The following UBE3A variants were observed in gnomAD, a reference collection of about 807,000 sequenced individuals.
UBE3A encodes ubiquitin protein ligase E3A.
Under a neutral mutation model 83.4 loss-of-function variants are expected in UBE3A, and 6 were observed. The ratio of observed to expected loss-of-function variants is 0.07; its 90% confidence interval spans 0.04 to 0.14. UBE3A has a LOEUF of 0.14. Among genes scored for constraint, UBE3A ranks in the 10% least tolerant of loss-of-function variants. The pLI is 1.00. For missense variants in UBE3A, 456 were observed against 1,036.1 expected (o/e 0.44, Z 7.69); for synonymous variants, 337 against 355.4 (o/e 0.95, Z 0.58).
intron 4 of UBE3A, among the ~76,000 whole-genome samples, 169 bp downstream of exon 4, chr15:25,405,292 G>T (rs924541010): frequency 6.6e-6 from 1 of 152,026 alleles, no homozygotes; most frequent in Non-Finnish European, 1.5e-5. Context: ...TGTTACCGAG[G>T]TTTAGAGTTA....
chr15:25,354,499 T>C, intron 10 of UBE3A, 29 bp downstream of exon 10: 1 of 1,613,910 alleles, frequency 6.2e-7, no homozygotes, highest in Non-Finnish European at 8.5e-7. Context: ...AATCGATACA[T>C]GACTTTTTGC....
At chr15:25,364,629 A>AG (rs1335433323) in intron 6 of UBE3A, among the ~76,000 whole-genome samples, 39 of 145,040 alleles carry the variant, frequency 2.7e-4, no homozygotes, top group Non-Finnish European at 4.3e-4. Context: ...GTGGATTTTT[A>AG]GGGTTTTTTT....
chr15:25,347,071 AAG>A (rs1288891889), intron 11 of UBE3A: 1 of 152,196 alleles, frequency 6.6e-6, no homozygotes, highest in Non-Finnish European at 1.5e-5. Flanking sequence ...GAAAAACAAA[AAG>A]AATTTCTCAC....
chr15:25,390,344 C>T lies in UBE3A; in HGVS notation c.63-14581G>A, dbSNP rs952355469. Among the ~76,000 whole-genome samples the T allele has an allele frequency of 2.6e-5, 4 of 152,064 alleles. No homozygotes were observed. The East Asian group carries it at 7.7e-4, about 29-fold the overall frequency. On this transcript the variant is annotated intron_variant, in intron 4 of 12. Coordinates refer to ENST00000648336, the MANE Select transcript of UBE3A (RefSeq NM_130839.5). ...TAAGTCCACACAAAAACCTGCACAC[C>T]GATATCTACAGCAGTTTTATTCATA...
At chr15:25,341,472 T>A (rs1002593434) in intron 11 of UBE3A, among the ~76,000 whole-genome samples, 10 of 151,874 alleles carry the variant, frequency 6.6e-5, no homozygotes, top group Non-Finnish European at 1.3e-4. Context: ...ATTTAGAAAG[T>A]TCTTTCCAGA....
intron 4 of UBE3A, among the ~76,000 whole-genome samples, chr15:25,399,471 C>A (rs977018275): frequency 6.6e-6 from 1 of 152,164 alleles, no homozygotes; most frequent in Admixed American, 6.5e-5. Flanking sequence ...TCCCTTTCCC[C>A]GCTGTGTTCT....
At chr15:25,350,264 G>A (rs1172776318) in intron 11 of UBE3A, among the ~76,000 whole-genome samples, 1 of 151,390 alleles carries the variant, frequency 6.6e-6, no homozygotes, top group Non-Finnish European at 1.5e-5. Flanking sequence ...TCATGCTACT[G>A]CACTCCAGCC....
At position 25,430,027 on chromosome 15, in the gene UBE3A, C is replaced by CTATATATATA. The variant is rs199950859; in HGVS notation, c.-165+8452_-165+8461dup. 1.4e-3 allele frequency among the ~76,000 whole-genome samples: 94 copies of CTATATATATA among 66,170 alleles called. 9 individuals carry two copies. Among genetic ancestry groups the CTATATATATA allele is most frequent in the African/African-American group, 9.3e-3 (76 of 8,200 alleles). 43.4% of individuals were successfully genotyped at this position (66,170 alleles called of 152,430 possible). Reference sequence around the variant, plus strand: ...CTCAGGAGGAAAAACAAAAAAAAACCTATATATATATATATATATATATTT... The same window carrying CTATATATATA: ...CTCAGGAGGAAAAACAAAAAAAAACCTATATATATATATATATATATATATATATATATTT... On this transcript the variant is annotated intron_variant, in intron 1 of 12. Coordinates refer to ENST00000648336, the MANE Select transcript of UBE3A (RefSeq NM_130839.5).
chr15:25,425,486 A>C (rs928054918), intron 1 of UBE3A, among the ~76,000 whole-genome samples: 1 of 152,304 alleles, frequency 6.6e-6, no homozygotes, highest in East Asian at 1.9e-4. Flanking sequence ...GTTAGAGAAT[A>C]TGTTTGGTAG....
intron 4 of UBE3A, among the ~76,000 whole-genome samples, chr15:25,398,178 A>C (rs1464395894): frequency 1.3e-5 from 2 of 150,914 alleles, no homozygotes; most frequent in African/African-American, 4.9e-5. Context: ...AAAAAAAAAA[A>C]AAAAAAAAAA....
chr15:25,398,999 T>C (rs1324334982), intron 4 of UBE3A, among the ~76,000 whole-genome samples: 1 of 151,564 alleles, frequency 6.6e-6, no homozygotes, highest in Non-Finnish European at 1.5e-5. Flanking sequence ...GCCATTTGTA[T>C]GTCTTATTTT....
chr15:25,395,923 G>A (rs80172665), intron 4 of UBE3A, among the ~76,000 whole-genome samples: 30 of 152,296 alleles, frequency 2.0e-4, no homozygotes, highest in Non-Finnish European at 3.8e-4. Context: ...AATCTGATCT[G>A]GTTGGGTGCG....
Position 25,371,940 on chromosome 15 carries a change from T to TA in UBE3A, c.362-129dup. ...AATATCATTTATGATATACAACTCT[T>TA]AAAGTATCTAATACTTAGATTCAGC... On this transcript the variant is annotated intron_variant, in intron 5 of 12. Transcript: ENST00000648336. This position sits in a 1 kb window ranked among gnomAD's most constrained non-coding sequence, Gnocchi z 5.3. 1.1e-6 allele frequency: 1 copy of TA among 946,124 alleles called. No homozygotes were observed. The highest frequency in any genetic ancestry group is 1.5e-6 in the Non-Finnish European group (1 of 651,110). The allele number at this position is 946,124 out of a possible 1,614,324, so 58.6% of individuals were successfully genotyped here.
rs747626553 is a variant in UBE3A at position 25,356,705 on chromosome 15, C to T, written c.1945G>A (p.Gly649Arg). 1.2e-6 allele frequency: 2 copies of T among 1,612,768 alleles called. No homozygotes were observed. The highest frequency in any genetic ancestry group is 1.7e-5 in the Admixed American group (1 of 59,982). ...AAAGAACTTACTGGGTGAGAGTCTCCCAAGTCACGAAAAGTTCCTTTTTTC... is the reference window on the plus strand; with the variant it reads ...AAAGAACTTACTGGGTGAGAGTCTCTCAAGTCACGAAAAGTTCCTTTTTTC... Reference protein sequence around the residue: ...MGKKGTFRDLGDSHPVLYQSL... With the variant: ...MGKKGTFRDLRDSHPVLYQSL... The change falls in exon 8 of 13, where the codon GGA (glycine) becomes AGA (arginine). Residue 649 changes from glycine (G) to arginine (R), a missense_variant. Coordinates refer to ENST00000648336, the MANE Select transcript of UBE3A (RefSeq NM_130839.5).
At chr15:25,419,444 A>T (rs1406173218) in intron 1 of UBE3A, 2 of 152,144 alleles carry the variant, frequency 1.3e-5, no homozygotes, top group Non-Finnish European at 2.9e-5. Context: ...AGAGTGAAAT[A>T]AAGACATTTC....
At chr15:25,357,016 G>C (rs1393850485) in intron 7 of UBE3A, 120 bp from the exon 8 acceptor site, 1 of 817,152 alleles carries the variant, frequency 1.2e-6, no homozygotes, top group Non-Finnish European at 1.9e-6. Context: ...ATGTAATTAG[G>C]CATGCAACAT....
chr15:25,403,082 C>G (rs2087571755), intron 4 of UBE3A, among the ~76,000 whole-genome samples: 2 of 152,208 alleles, frequency 1.3e-5, no homozygotes. Context: ...ATCAGCTCTG[C>G]TAATATCCAA....
chr15:25,406,298 C>G (rs1354019932), intron 3 of UBE3A, among the ~76,000 whole-genome samples: 2 of 152,192 alleles, frequency 1.3e-5, no homozygotes, highest in African/African-American at 2.4e-5. Flanking sequence ...AAAAGTGTAT[C>G]ACCTGAGGTG....
intron 1 of UBE3A, among the ~76,000 whole-genome samples, chr15:25,432,274 G>C (rs1893700521): frequency 6.6e-6 from 1 of 152,164 alleles, no homozygotes; most frequent in African/African-American, 2.4e-5. Flanking sequence ...TTAATTAGGA[G>C]GTGGAAAGTT....
Sources: gnomAD v4.1 joint callset for allele counts (sites outside exome capture counted in the v4.1 genomes callset) on GRCh38, gnomAD v4.1.1 for gene constraint, Gnocchi (gnomAD v3.1) non-coding constraint, MANE v1.5 for transcripts, NCBI Gene and HGNC (gene_info 2026-07-23, HGNC 2026-07-21) for gene names.